Variants in UNC5D observed in about 807,000 individuals in gnomAD.
UNC5D encodes the protein unc-5 netrin receptor D.
A neutral mutation model predicts 105.4 loss-of-function variants in UNC5D; 39 were observed. That is an observed-to-expected ratio of 0.37 (90% confidence interval 0.29 to 0.48). The LOEUF is 0.48. UNC5D is among the 20% of genes least tolerant of loss of function. The pLI, the probability that UNC5D is intolerant of heterozygous loss-of-function variation, is 0.98. For missense variants in UNC5D, 991 were observed against 1,202.4 expected, an observed-to-expected ratio of 0.82 and a Z score of 2.60; for synonymous variants, 452 against 450.4, an observed-to-expected ratio of 1.00 and a Z score of -0.04.
chr8:35,404,449 C>T (rs1016596530), intron 1 of UNC5D, among the ~76,000 whole-genome samples: 1 of 152,188 alleles, frequency 6.6e-6, no homozygotes, highest in African/African-American at 2.4e-5. Context: ...GCTGTCTATA[C>T]TTTCCTGCTG....
intron 1 of UNC5D, among the ~76,000 whole-genome samples, chr8:35,484,120 T>G (rs1810673970): frequency 6.6e-6 from 1 of 152,164 alleles, no homozygotes; most frequent in South Asian, 2.1e-4. Flanking sequence ...TAAGCGTTAT[T>G]TATATTCAAT....
chr8:35,414,176 A>C (rs1221777198), intron 1 of UNC5D, among the ~76,000 whole-genome samples: 1 of 152,310 alleles, frequency 6.6e-6, no homozygotes, highest in East Asian at 1.9e-4. Context: ...ATAGGAACAA[A>C]TAACATCTAA....
chr8:35,538,376 G>A (rs75933416), intron 1 of UNC5D, among the ~76,000 whole-genome samples: 1,857 of 129,552 alleles, frequency 0.014, 27 homozygotes, highest in Non-Finnish European at 0.022. Flanking sequence ...CTGGTCAGTC[G>A]TGATTTAAAA....
intron 1 of UNC5D, among the ~76,000 whole-genome samples, chr8:35,350,114 A>C (rs1317576575): frequency 1.3e-5 from 2 of 151,962 alleles, no homozygotes; most frequent in Non-Finnish European, 2.9e-5. Flanking sequence ...GAACCCCCAG[A>C]GTTCTGGAAA....
intron 1 of UNC5D, among the ~76,000 whole-genome samples, chr8:35,325,621 C>T (rs1286201722): frequency 1.3e-5 from 2 of 152,164 alleles, no homozygotes; most frequent in East Asian, 3.9e-4. Flanking sequence ...AACACACATA[C>T]AATGCGTTCT....
At chr8:35,470,897 G>C (rs930251904) in intron 1 of UNC5D, among the ~76,000 whole-genome samples, 3 of 152,114 alleles carry the variant, frequency 2.0e-5, no homozygotes, top group Non-Finnish European at 4.4e-5. Context: ...CACCTCCAAG[G>C]CCTTACATTT....
chr8:35,573,492 T>C (rs6983497), intron 3 of UNC5D, among the ~76,000 whole-genome samples: 28,088 of 152,038 alleles, frequency 0.18, 5,904 homozygotes, highest in African/African-American at 0.52. Context: ...AGTTAGGTGA[T>C]CAAAGGTCAC....
intron 7 of UNC5D, among the ~76,000 whole-genome samples, chr8:35,699,134 A>T (rs1826999974): frequency 6.6e-6 from 1 of 152,190 alleles, no homozygotes; most frequent in Non-Finnish European, 1.5e-5. Context: ...CACACATGGA[A>T]TCAGTAGGAA....
At chr8:35,782,425 A>G (rs1192190689) in intron 16 of UNC5D, among the ~76,000 whole-genome samples, 1 of 152,004 alleles carries the variant, frequency 6.6e-6, no homozygotes, top group African/African-American at 2.4e-5. Flanking sequence ...AGGATTATAC[A>G]CTGTAATGAT....
At chr8:35,265,075 A>G (rs1563261641) in intron 1 of UNC5D, among the ~76,000 whole-genome samples, 1 of 152,224 alleles carries the variant, frequency 6.6e-6, no homozygotes, top group South Asian at 2.1e-4. Context: ...TCTATCTTCC[A>G]TATTGTGAGG....
rs553789515 is a variant in UNC5D at position 35,591,356 on chromosome 8, C to T, written c.467-4198C>T. Among the ~76,000 whole-genome samples, 215 of 151,864 alleles carry T rather than the reference C, an allele frequency of 1.4e-3. 1 individual carries two copies. Among genetic ancestry groups the T allele is most frequent in the Non-Finnish European group, 2.4e-3 (162 of 67,902 alleles). Reference sequence around the variant, plus strand: ...TATTCTTGTTCCATTATTCTTTTTGCTTGTTTTCTGCAAAAATACTTGTAA... The same window carrying T: ...TATTCTTGTTCCATTATTCTTTTTGTTTGTTTTCTGCAAAAATACTTGTAA... On this transcript the variant is annotated intron_variant, in intron 3 of 16. Transcript: ENST00000404895.
chr8:35,593,691 A>G (rs2130893464), intron 3 of UNC5D, among the ~76,000 whole-genome samples: 1 of 152,202 alleles, frequency 6.6e-6, no homozygotes, highest in East Asian at 1.9e-4. Flanking sequence ...GAGCCTGGAA[A>G]GGTCAAGGTT....
intron 2 of UNC5D, among the ~76,000 whole-genome samples, chr8:35,557,193 G>A (rs1471364245): frequency 3.3e-5 from 5 of 152,166 alleles, no homozygotes; most frequent in African/African-American, 4.8e-5. Flanking sequence ...ACAACACTAT[G>A]AAGTTAATTT....
intron 1 of UNC5D, chr8:35,525,417 A>C: frequency 6.2e-7 from 1 of 1,612,150 alleles, no homozygotes; most frequent in South Asian, 1.1e-5. Flanking sequence ...GGTCTGGAAG[A>C]GCTGCTGGCC....
At chr8:35,366,215 G>A in intron 1 of UNC5D, among the ~76,000 whole-genome samples, 1 of 151,988 alleles carries the variant, frequency 6.6e-6, no homozygotes, top group Non-Finnish European at 1.5e-5. Context: ...TGGAGTGTTT[G>A]AGGGCACATA....
At chr8:35,244,751 C>G (rs1411068769) in intron 1 of UNC5D, among the ~76,000 whole-genome samples, 1 of 137,722 alleles carries the variant, frequency 7.3e-6, no homozygotes, top group Non-Finnish European at 1.6e-5. Context: ...TGGCTCATGC[C>G]TATAATCCCA....
At chr8:35,676,853 T>C (rs891649132) in intron 4 of UNC5D, among the ~76,000 whole-genome samples, 3 of 152,236 alleles carry the variant, frequency 2.0e-5, no homozygotes, top group South Asian at 2.1e-4. Flanking sequence ...GTCTGGTGTA[T>C]TGTGGTTTTT....
intron 1 of UNC5D, among the ~76,000 whole-genome samples, chr8:35,508,739 T>C (rs997158743): frequency 3.9e-5 from 6 of 152,214 alleles, no homozygotes; most frequent in African/African-American, 1.4e-4. Context: ...GAATGCCAGC[T>C]AAGCACTAAG....
chr8:35,648,678 C>CAA (rs1251731084), intron 4 of UNC5D, among the ~76,000 whole-genome samples: 946 of 43,720 alleles, frequency 0.022, 25 homozygotes, highest in African/African-American at 0.027. Context: ...GAGTCCGTCT[C>CAA]AAAAAAAAAA....
Sources: allele counts gnomAD v4.1 joint callset (sites outside exome capture counted in the v4.1 genomes callset), GRCh38; gene constraint gnomAD v4.1.1; transcripts MANE v1.5; gene names NCBI Gene and HGNC (gene_info 2026-07-23, HGNC 2026-07-21).